Variants in ZNF727 observed in about 807,000 individuals in gnomAD.
The protein encoded by ZNF727 is zinc finger protein 727, also known as putative zinc finger protein 727.
In ZNF727, 11 loss-of-function variants were observed where a neutral mutation model predicts 11.5. The observed-to-expected ratio is 0.95, with a 90% confidence interval of 0.60 to 1.58. The LOEUF is 1.58. Ranked by LOEUF, ZNF727 falls within the 40% of genes most tolerant of loss-of-function variation. The pLI is 0.00. For synonymous variants in ZNF727, 171 were observed against 196.1 expected (o/e 0.87, Z 1.07); for missense variants, 533 against 581.7 (o/e 0.92, Z 0.86).
At chr7:64,050,665 G>A (rs950157067) in intron 1 of ZNF727, among the ~76,000 whole-genome samples, 8 of 152,120 alleles carry the variant, frequency 5.3e-5, no homozygotes, top group Non-Finnish European at 1.2e-4. Flanking sequence ...CAGGCACATA[G>A]AGATACCAGT....
In ZNF727 at chr7:64,078,900, C is replaced by T. The variant is rs1220687210; in HGVS notation, c.*351C>T. Among the ~76,000 whole-genome samples, 1 of 151,868 alleles carries T rather than the reference C, an allele frequency of 6.6e-6. No homozygotes were observed. Among genetic ancestry groups the T allele is most frequent in the African/African-American group, 2.4e-5 (1 of 41,324 alleles). ...AAGATAATTCATATTGGAGAGAAAC[C>T]CTACAAATGTAATGAATGTGGAAAA... is the stretch of plus-strand genomic sequence containing the variant. On this transcript the variant is annotated 3_prime_UTR_variant, in exon 4 of 4. Coordinates refer to ENST00000456806, the MANE Select transcript of ZNF727 (RefSeq NM_001159522.3).
At position 64,084,721 on chromosome 7, in the gene ZNF727, A is replaced by C. The variant is rs1785847352; in HGVS notation, c.*6172A>C. Among the ~76,000 whole-genome samples, 1 of 152,192 alleles carries C rather than the reference A, an allele frequency of 6.6e-6. No individual in the cohort carries two copies. Among genetic ancestry groups the C allele is most frequent in the South Asian group, 2.1e-4 (1 of 4,832 alleles). ...ATATGACTTCTCTCGTCTGCTAAACACGTACAGACCTTTAGTTTTGATTTA... is the reference window on the plus strand; with the variant it reads ...ATATGACTTCTCTCGTCTGCTAAACCCGTACAGACCTTTAGTTTTGATTTA... On this transcript the variant is annotated 3_prime_UTR_variant, in exon 4 of 4. Coordinates refer to ENST00000456806, the MANE Select transcript of ZNF727 (RefSeq NM_001159522.3).
chr7:64,076,354 T>C (rs557784935), intron 3 of ZNF727, among the ~76,000 whole-genome samples: 1 of 152,332 alleles, frequency 6.6e-6, no homozygotes, highest in Admixed American at 6.5e-5. Context: ...CTCACACCTG[T>C]ATTCCCTGCA....
chr7:64,082,342 T>C lies in ZNF727; in HGVS notation c.*3793T>C, dbSNP rs535330828. On this transcript the variant is annotated 3_prime_UTR_variant, in exon 4 of 4. Coordinates refer to ENST00000456806, the MANE Select transcript of ZNF727 (RefSeq NM_001159522.3). Reference sequence around the variant, plus strand: ...TCTGGCCACTTTTCTGAAGGGCTGCTGCAGTATGCTGGGTGTCCACTGCAG... The same window carrying C: ...TCTGGCCACTTTTCTGAAGGGCTGCCGCAGTATGCTGGGTGTCCACTGCAG... Among the ~76,000 whole-genome samples, 4 of 152,324 alleles carry C rather than the reference T, an allele frequency of 2.6e-5. No homozygotes were observed. The South Asian group carries it at 8.3e-4, about 32-fold the overall frequency.
rs1789980836 is a variant in ZNF727 at position 64,072,679 on chromosome 7, G to A, written c.226+3070G>A. On this transcript the variant is annotated intron_variant, in intron 3 of 3. Coordinates refer to ENST00000456806, the MANE Select transcript of ZNF727 (RefSeq NM_001159522.3). ...TCCTTGACTATGGCTGGAAGGAGCC[G>A]GAGATAGTTATAGAGTCACTGCAGA... Among the ~76,000 whole-genome samples the A allele has an allele frequency of 4.6e-5, 7 of 152,226 alleles. No individual in the cohort carries two copies. The South Asian group carries it at 1.0e-3, about 23-fold the overall frequency.
chr7:64,082,886 A>AAT lies in ZNF727; in HGVS notation c.*4338_*4339insTA, dbSNP rs1339926775. ...AGAGAGCGAGACTCCGTCTCAAAAA[A>AAT]AAAAAAGAAAGAATGCAGTCTAGCC... On this transcript the variant is annotated 3_prime_UTR_variant, in exon 4 of 4. Transcript: ENST00000456806. Among the ~76,000 whole-genome samples, 2 of 151,934 alleles carry AAT rather than the reference A, an allele frequency of 1.3e-5. No individual in the cohort carries two copies. The highest frequency in any genetic ancestry group is 1.9e-4 in the East Asian group (1 of 5,186).
chr7:64,085,084 G>T lies in ZNF727; in HGVS notation c.*6535G>T, dbSNP rs544552819. Among the ~76,000 whole-genome samples the T allele has an allele frequency of 1.3e-5, 2 of 151,996 alleles. No individual in the cohort carries two copies. Among genetic ancestry groups the T allele is most frequent in the African/African-American group, 4.8e-5 (2 of 41,470 alleles). On this transcript the variant is annotated 3_prime_UTR_variant, in exon 4 of 4. Transcript: ENST00000456806. ...CATAGGCATAATATATCATTTTCTT[G>T]TCATCTAATTTCAGAAAACATTATT...
rs1220270096 is a variant in ZNF727, at chr7:64,083,645, T to C, written c.*5096T>C. On this transcript the variant is annotated 3_prime_UTR_variant, in exon 4 of 4. Transcript: ENST00000456806. The stretch of plus-strand genomic sequence containing the variant: ...GGTGAAGTGGGTTCCTGAGGGTATC[T>C]CCTCACCCGAAGGTTGCAGAGATCT... 6.6e-6 allele frequency among the ~76,000 whole-genome samples: 1 copy of C among 152,152 alleles called. No homozygotes were observed.
rs4717982 is a variant in ZNF727, at chr7:64,083,764, C to T, written c.*5215C>T. ...GGCTCCATGTTGTTCCCTGGTGGCC[C>T]ATTGTCCTGCCTTGCTTTACTCCAT... On this transcript the variant is annotated 3_prime_UTR_variant, in exon 4 of 4. Coordinates refer to ENST00000456806, the MANE Select transcript of ZNF727 (RefSeq NM_001159522.3). Among the ~76,000 whole-genome samples, 94,524 of 151,876 alleles carry T rather than the reference C, an allele frequency of 0.62. 30,086 individuals carry two copies. The highest frequency in any genetic ancestry group is 0.68 in the Non-Finnish European group (46,455 of 67,944).
chr7:64,055,338 A>C (rs569549122), intron 1 of ZNF727, among the ~76,000 whole-genome samples: 1 of 151,956 alleles, frequency 6.6e-6, no homozygotes, highest in Non-Finnish European at 1.5e-5. Flanking sequence ...GAATCACTTG[A>C]ACCCAGGAGC....
chr7:64,047,009 TG>T (rs1789519180), intron 1 of ZNF727, among the ~76,000 whole-genome samples: 2 of 152,116 alleles, frequency 1.3e-5, no homozygotes, highest in Admixed American at 1.3e-4. Flanking sequence ...GTTAGTAATT[TG>T]TAAGAAATTC....
chr7:64,078,389 C>A lies in ZNF727; in HGVS notation c.1340C>A (p.Thr447Asn), dbSNP rs1304792267. The A allele has an allele frequency of 2.5e-6, 4 of 1,592,098 alleles. No homozygotes were observed. Among genetic ancestry groups the A allele is most frequent in the Non-Finnish European group, 2.6e-6 (3 of 1,168,976 alleles). Residue 447 changes from threonine (T) to asparagine (N), a missense_variant, in exon 4 of 4, where the codon ACT becomes AAT. By Grantham distance (65) the Thr-to-Asn change is moderately conservative (BLOSUM62 0). This residue lies in a region of ZNF727 where 16 missense variants were observed against 38.6 expected (regional missense o/e 0.41). Coordinates refer to ENST00000456806, the MANE Select transcript of ZNF727 (RefSeq NM_001159522.3). ...PDLTNHKRIH[T>N]GEKPYKCEEC... ...CTGACTAATCATAAGAGAATTCACA[C>A]TGGAGAGAAGCCCTACAAATGTGAA...
chr7:64,045,472 C>T lies in ZNF727; in HGVS notation c.-150C>T, dbSNP rs1274830742. Reference sequence around the variant, plus strand: ...TGGCAAGGCCTTCGTCTCCTAGCTTCTAGGCTCTGAGTCCAGTACCCGTCT... The same window carrying T: ...TGGCAAGGCCTTCGTCTCCTAGCTTTTAGGCTCTGAGTCCAGTACCCGTCT... On this transcript the variant is annotated 5_prime_UTR_variant, in exon 1 of 4. Coordinates refer to ENST00000456806, the MANE Select transcript of ZNF727 (RefSeq NM_001159522.3). 6.2e-6 allele frequency: 7 copies of T among 1,121,034 alleles called. No homozygotes were observed. Among genetic ancestry groups the T allele is most frequent in the Non-Finnish European group, 6.6e-6 (5 of 756,746 alleles). 69.4% of individuals were successfully genotyped at this position (1,121,034 alleles called of 1,614,324 possible). A position where few individuals can be genotyped will look rare whatever the true frequency, so the allele number is the denominator to read the frequency against.
At chr7:64,052,581 C>T (rs1789619998) in intron 1 of ZNF727, among the ~76,000 whole-genome samples, 1 of 151,872 alleles carries the variant, frequency 6.6e-6, no homozygotes, top group Admixed American at 6.6e-5. Context: ...ACACAAAGTC[C>T]CTACTGGGGC....
intron 1 of ZNF727, among the ~76,000 whole-genome samples, chr7:64,060,025 A>G (rs117539913): frequency 0.018 from 2,731 of 152,218 alleles, 161 homozygotes; most frequent in East Asian, 0.18. Context: ...AAGCCAAGGA[A>G]AGCTTATTTT....
chr7:64,072,159 T>A (rs1448542393), intron 3 of ZNF727, among the ~76,000 whole-genome samples: 1 of 152,146 alleles, frequency 6.6e-6, no homozygotes, highest in Non-Finnish European at 1.5e-5. Context: ...TGAATCTAAA[T>A]TTTCCAATTT....
chr7:64,076,355 A>G (rs2116326537), intron 3 of ZNF727, among the ~76,000 whole-genome samples: 1 of 152,276 alleles, frequency 6.6e-6, no homozygotes, highest in South Asian at 2.1e-4. Context: ...TCACACCTGT[A>G]TTCCCTGCAT....
Position 64,078,588 on chromosome 7 carries a change from G to T in ZNF727, c.*39G>T. 1.3e-6 allele frequency: 2 copies of T among 1,550,690 alleles called. No individual in the cohort carries two copies. The stretch of plus-strand genomic sequence containing the variant: ...TAAACCTTACAAATGTAATGAATGT[G>T]GAAAAGCTTTTACGTGGATCTTGGC... On this transcript the variant is annotated 3_prime_UTR_variant, in exon 4 of 4. Coordinates refer to ENST00000456806, the MANE Select transcript of ZNF727 (RefSeq NM_001159522.3).
chr7:64,077,285 T>C lies in ZNF727; in HGVS notation c.236T>C (p.Leu79Ser). ...CTTTTTTTTTTTTCAGCTGGCTCTT[T>C]GCATTTTACTGCAGAGATATTGCTG... ...KTVAKHPAGS[L>S]HFTAEILLEH... is the part of the protein sequence containing the mutation. The change falls in exon 4 of 4, where the codon TTG becomes TCG. Residue 79 changes from leucine (L) to serine (S), a missense_variant. Transcript: ENST00000456806. 3.3e-6 allele frequency: 5 copies of C among 1,507,826 alleles called. No homozygotes were observed. Among genetic ancestry groups the C allele is most frequent in the Non-Finnish European group, 4.4e-6 (5 of 1,130,410 alleles). 93.4% of individuals were successfully genotyped at this position (1,507,826 alleles called of 1,614,324 possible).
Sources: allele counts gnomAD v4.1 joint callset (sites outside exome capture counted in the v4.1 genomes callset), GRCh38; gene constraint gnomAD v4.1.1; regional missense constraint gnomAD v4.1.1; transcripts MANE v1.5; gene names NCBI Gene and HGNC (gene_info 2026-07-23, HGNC 2026-07-21).